SYNPR: variants seen among roughly 807,000 people sequenced by gnomAD.
SYNPR encodes the protein synaptoporin.
A neutral mutation model predicts 32.9 loss-of-function variants in SYNPR; 23 were observed. The ratio of observed to expected loss-of-function variants is 0.70; its 90% CI spans 0.50 to 0.99. The LOEUF is 0.99. SYNPR is among the 50% of genes least tolerant of loss of function. The pLI, the probability that SYNPR is intolerant of heterozygous loss-of-function variation, is 0.00. For missense variants in SYNPR, 318 were observed against 349.3 expected, an observed-to-expected ratio of 0.91 and a Z score of 0.71; for synonymous variants, 146 against 135.9, an observed-to-expected ratio of 1.07 and a Z score of -0.52.
chr3:63,595,803 A>ATATATATATAGT (rs1699940759), intron 4 of SYNPR, among the ~76,000 whole-genome samples: 2 of 51,176 alleles, frequency 3.9e-5, no homozygotes, highest in Non-Finnish European at 6.5e-5. Flanking sequence ...ATATATAGTT[A>ATATATATATAGT]TATATATATA....
the SYNPR span, among the ~76,000 whole-genome samples, chr3:63,222,872 G>A: frequency 6.6e-6 from 1 of 152,110 alleles, no homozygotes; most frequent in East Asian, 1.9e-4. Context: ...TGTGTTTGTT[G>A]CCAGAATCTT....
At chr3:63,549,690 T>G (rs1702468199) in intron 3 of SYNPR, among the ~76,000 whole-genome samples, 1 of 152,218 alleles carries the variant, frequency 6.6e-6, no homozygotes, top group Non-Finnish European at 1.5e-5. Flanking sequence ...TCCAGTCCCC[T>G]GAAAGGATAG....
intron 2 of SYNPR, among the ~76,000 whole-genome samples, chr3:63,307,882 G>C (rs1416364664): frequency 6.6e-6 from 1 of 151,996 alleles, no homozygotes; most frequent in Non-Finnish European, 1.5e-5. Flanking sequence ...TTGGTACTGA[G>C]GGACTAATAG....
intron 2 of SYNPR, among the ~76,000 whole-genome samples, chr3:63,391,732 C>T (rs1265168376): frequency 1.3e-5 from 2 of 152,152 alleles, no homozygotes; most frequent in East Asian, 3.9e-4. Flanking sequence ...ATTTTGCTGG[C>T]TATGATCATA....
intron 2 of SYNPR, among the ~76,000 whole-genome samples, chr3:63,408,226 AAGG>A: frequency 1.2e-5 from 1 of 86,692 alleles, no homozygotes; most frequent in Non-Finnish European, 2.4e-5. Flanking sequence ...GGAAGGAAGG[AAGG>A]AAAGAAAGAA....
intron 2 of SYNPR, among the ~76,000 whole-genome samples, chr3:63,332,571 G>T (rs979111112): frequency 2.6e-5 from 4 of 152,152 alleles, no homozygotes; most frequent in African/African-American, 9.7e-5. Context: ...GAAGAGAGAA[G>T]GTATGGGTGG....
At chr3:63,500,445 A>C (rs1381803984) in intron 3 of SYNPR, among the ~76,000 whole-genome samples, 1 of 152,192 alleles carries the variant, frequency 6.6e-6, no homozygotes, top group African/African-American at 2.4e-5. Context: ...TCTCCGCAAT[A>C]AAATGAGTAC....
intron 3 of SYNPR, among the ~76,000 whole-genome samples, chr3:63,530,649 T>C (rs574517640): frequency 6.6e-6 from 1 of 152,198 alleles, no homozygotes; most frequent in South Asian, 2.1e-4. Flanking sequence ...AGGAACTTGG[T>C]TTAGTGCAGA....
intron 4 of SYNPR, among the ~76,000 whole-genome samples, chr3:63,593,658 A>G (rs1347702383): frequency 2.6e-5 from 4 of 152,140 alleles, no homozygotes; most frequent in Non-Finnish European, 5.9e-5. Context: ...AAGCAATGAA[A>G]CCCTACATTA....
At chr3:63,222,007 C>A in the SYNPR span, among the ~76,000 whole-genome samples, 1 of 64,570 alleles carries the variant, frequency 1.5e-5, no homozygotes, top group East Asian at 3.6e-4. Context: ...AGAGGCCATG[C>A]TCAATTTTTT....
At chr3:63,336,588 T>C (rs1197452456) in intron 2 of SYNPR, among the ~76,000 whole-genome samples, 2 of 116,880 alleles carry the variant, frequency 1.7e-5, no homozygotes, top group Non-Finnish European at 3.4e-5. Flanking sequence ...CTTACCCTTT[T>C]CACAAAATTT....
At chr3:63,424,261 A>T (rs1473564605) in intron 2 of SYNPR, among the ~76,000 whole-genome samples, 1 of 152,210 alleles carries the variant, frequency 6.6e-6, no homozygotes, top group East Asian at 1.9e-4. Flanking sequence ...AGCTATTTTA[A>T]AATGAAGAGC....
chr3:63,374,735 A>G (rs1331740620), intron 2 of SYNPR, among the ~76,000 whole-genome samples: 1 of 152,200 alleles, frequency 6.6e-6, no homozygotes, highest in Non-Finnish European at 1.5e-5. Context: ...CCTAACATCA[A>G]ATTTGCTAAT....
intron 2 of SYNPR, among the ~76,000 whole-genome samples, chr3:63,418,271 C>G (rs2088566633): frequency 6.6e-6 from 1 of 152,136 alleles, no homozygotes; most frequent in African/African-American, 2.4e-5. Flanking sequence ...CAGTTCCTAA[C>G]AAGTTCCTCA....
At chr3:63,577,780 A>G (rs1400795099) in intron 4 of SYNPR, among the ~76,000 whole-genome samples, 2 of 152,020 alleles carry the variant, frequency 1.3e-5, no homozygotes, top group African/African-American at 2.4e-5. Flanking sequence ...CCCCTCCTCA[A>G]AAAAGTACGT....
intron 4 of SYNPR, among the ~76,000 whole-genome samples, chr3:63,607,844 G>T (rs1237039134): frequency 6.6e-6 from 1 of 152,084 alleles, no homozygotes; most frequent in African/African-American, 2.4e-5. Flanking sequence ...CCTCAGTGTA[G>T]ATCATGGGAT....
intron 2 of SYNPR, among the ~76,000 whole-genome samples, chr3:63,421,487 T>TAA (rs1261447291): frequency 2.0e-5 from 3 of 151,068 alleles, no homozygotes; most frequent in Non-Finnish European, 4.4e-5. Context: ...AAATTCAGAC[T>TAA]AAATATATAT....
At chr3:63,531,397 G>C (rs758966842) in intron 3 of SYNPR, among the ~76,000 whole-genome samples, 2 of 152,066 alleles carry the variant, frequency 1.3e-5, no homozygotes, top group African/African-American at 4.8e-5. Context: ...AATCTCTGAT[G>C]TTCCTTAGCT....
chr3:63,453,060 G>T (rs748802746), intron 2 of SYNPR, among the ~76,000 whole-genome samples: 3 of 152,112 alleles, frequency 2.0e-5, no homozygotes, highest in Non-Finnish European at 4.4e-5. Context: ...TGTTAAAAAT[G>T]CAGAGTCTCA....
Sources: allele counts gnomAD v4.1 joint callset (sites outside exome capture counted in the v4.1 genomes callset), GRCh38; gene constraint gnomAD v4.1.1; transcripts MANE v1.5; gene names NCBI Gene and HGNC (gene_info 2026-07-23, HGNC 2026-07-21).